The following PRKN variants were observed in gnomAD, a reference collection of about 807,000 sequenced individuals.
PRKN encodes the protein parkin RBR E3 ubiquitin protein ligase.
In PRKN, 56 loss-of-function variants were observed where a neutral mutation model predicts 59.5. The ratio of observed to expected loss-of-function variants is 0.94; its 90% CI spans 0.76 to 1.18. The LOEUF (loss-of-function observed/expected upper bound fraction) is 1.18, where lower values mean the gene tolerates loss of function less well. Ranked by LOEUF, PRKN falls within the 50% of genes most tolerant of loss-of-function variation. PRKN has a pLI of 0.00. For synonymous variants in PRKN, 250 were observed against 222.1 expected (o/e 1.13, Z -1.12); for missense variants, 657 against 596.4 (o/e 1.10, Z -1.06).
intron 1 of PRKN, among the ~76,000 whole-genome samples, chr6:162,628,999 C>T (rs933300874): frequency 6.6e-6 from 1 of 152,006 alleles, no homozygotes; most frequent in African/African-American, 2.4e-5. Context: ...GGAATCACTA[C>T]CAAAGACTAA....
In PRKN at chr6:161,518,030, G is replaced by T. The variant is rs141279886; in HGVS notation, c.1083+30824C>A. 8.1e-4 allele frequency among the ~76,000 whole-genome samples: 123 copies of T among 152,310 alleles called. No homozygotes were observed. The highest frequency in any genetic ancestry group is 2.8e-3 in the African/African-American group (117 of 41,568). The stretch of plus-strand genomic sequence containing the variant: ...TCCTCGGGGAGACTGGCAGAAGTTG[G>T]CTGCACAGTGGCTTCAAGCTGGAGG... On this transcript the variant is annotated intron_variant, in intron 9 of 11. Transcript: ENST00000366898. This position sits in a 1 kb window ranked among gnomAD's most constrained non-coding sequence, Gnocchi z 5.0.
intron 2 of PRKN, among the ~76,000 whole-genome samples, chr6:162,294,154 C>A (rs77146432): frequency 6.6e-6 from 1 of 151,902 alleles, no homozygotes; most frequent in African/African-American, 2.4e-5. Flanking sequence ...AGGTTTCCAG[C>A]GGTGCAAATG....
chr6:161,745,826 C>G (rs554602585), intron 7 of PRKN, among the ~76,000 whole-genome samples: 3 of 152,206 alleles, frequency 2.0e-5, no homozygotes, highest in Non-Finnish European at 4.4e-5. Context: ...CAATTAGACA[C>G]AAAGCATGAT....
At chr6:161,387,590 C>A (rs1056029610) in intron 9 of PRKN, among the ~76,000 whole-genome samples, 1 of 152,214 alleles carries the variant, frequency 6.6e-6, no homozygotes, top group Admixed American at 6.5e-5. Context: ...AAGGAAAAAA[C>A]TTCATTCAAG....
intron 2 of PRKN, among the ~76,000 whole-genome samples, chr6:162,375,319 T>C (rs74569701): frequency 0.016 from 2,372 of 152,078 alleles, 64 homozygotes; most frequent in African/African-American, 0.054. Flanking sequence ...AAGCTGGTAT[T>C]TTTTCAAGCA....
chr6:162,555,111 G>A (rs995639117), intron 1 of PRKN, among the ~76,000 whole-genome samples: 4 of 152,030 alleles, frequency 2.6e-5, no homozygotes, highest in African/African-American at 7.2e-5. Flanking sequence ...ATACCCCAAC[G>A]CAAACACATG....
chr6:162,009,810 C>T (rs968188074), intron 5 of PRKN, among the ~76,000 whole-genome samples: 7 of 151,636 alleles, frequency 4.6e-5, no homozygotes, highest in African/African-American at 1.5e-4. Context: ...GTGGCAGGCA[C>T]CTGTAATCCC....
At chr6:162,428,292 G>C (rs575393466) in intron 2 of PRKN, among the ~76,000 whole-genome samples, 1 of 152,048 alleles carries the variant, frequency 6.6e-6, no homozygotes, top group Non-Finnish European at 1.5e-5. Flanking sequence ...ACCTCATCTT[G>C]ACTGAGAATG....
At chr6:162,025,074 G>A (rs77886609) in intron 5 of PRKN, among the ~76,000 whole-genome samples, 33 of 145,752 alleles carry the variant, frequency 2.3e-4, no homozygotes, top group African/African-American at 8.2e-4. Context: ...GGAGTGCAGT[G>A]GCGCAATCTC....
intron 7 of PRKN, among the ~76,000 whole-genome samples, chr6:161,680,775 A>ATATATATTT (rs1216235673): frequency 1.3e-4 from 4 of 30,624 alleles, no homozygotes; most frequent in Non-Finnish European, 2.4e-4. Context: ...ATATATATAT[A>ATATATATTT]TTTTTTTTTT....
chr6:162,029,021 G>A (rs1783541675), intron 5 of PRKN, among the ~76,000 whole-genome samples: 1 of 152,186 alleles, frequency 6.6e-6, no homozygotes, highest in Non-Finnish European at 1.5e-5. Context: ...ACAAACATAT[G>A]TCATTGGAAG....
chr6:161,977,223 A>G (rs888232827), intron 5 of PRKN, among the ~76,000 whole-genome samples: 1 of 152,094 alleles, frequency 6.6e-6, no homozygotes, highest in African/African-American at 2.4e-5. Context: ...AAGACAAGAG[A>G]CTCCTGGATC....
At chr6:162,589,420 C>T (rs1437324977) in intron 1 of PRKN, among the ~76,000 whole-genome samples, 1 of 152,050 alleles carries the variant, frequency 6.6e-6, no homozygotes, top group Non-Finnish European at 1.5e-5. Context: ...TTCTTTCTTC[C>T]CAGTATTTTT....
rs529164089 is a variant in PRKN, at chr6:161,442,230, A to G, written c.1084-55353T>C. 1.3e-5 allele frequency among the ~76,000 whole-genome samples: 2 copies of G among 152,342 alleles called. No homozygotes were observed. The highest frequency in any genetic ancestry group is 2.9e-5 in the Non-Finnish European group (2 of 68,038). On this transcript the variant is annotated intron_variant, in intron 9 of 11. Coordinates refer to ENST00000366898, the MANE Select transcript of PRKN (RefSeq NM_004562.3). This position sits in a 1 kb window ranked among gnomAD's most constrained non-coding sequence, Gnocchi z 4.6. ...TTAAGTAAACTTCAATTTCTCTGAA[A>G]TTGAAGGAGAATTATTTCTCCACTT...
At chr6:162,181,201 C>T (rs1012880838) in intron 4 of PRKN, among the ~76,000 whole-genome samples, 3 of 152,132 alleles carry the variant, frequency 2.0e-5, no homozygotes, top group Non-Finnish European at 2.9e-5. Context: ...GGTCAGTTCC[C>T]GAAGTTTCAT....
intron 1 of PRKN, among the ~76,000 whole-genome samples, chr6:162,582,523 C>T (rs966297776): frequency 7.9e-5 from 12 of 152,040 alleles, no homozygotes; most frequent in African/African-American, 2.7e-4. Flanking sequence ...GATGGAGTTA[C>T]GAATAGAAAT....
At chr6:162,704,034 G>A (rs1403586665) in intron 1 of PRKN, among the ~76,000 whole-genome samples, 1 of 152,170 alleles carries the variant, frequency 6.6e-6, no homozygotes, top group Non-Finnish European at 1.5e-5. Flanking sequence ...AGAGACACAG[G>A]TGCAGGAGAT....
chr6:161,651,552 C>T (rs775297316), intron 7 of PRKN, among the ~76,000 whole-genome samples: 7 of 152,162 alleles, frequency 4.6e-5, no homozygotes, highest in African/African-American at 1.7e-4. Flanking sequence ...TGGATACTTA[C>T]CAAGTGTTTC....
rs533275483 is a variant in PRKN at position 161,369,034 on chromosome 6, G to T, written c.1168-8829C>A. On this transcript the variant is annotated intron_variant, in intron 10 of 11. Coordinates refer to ENST00000366898, the MANE Select transcript of PRKN (RefSeq NM_004562.3). This position sits in a 1 kb window ranked among gnomAD's most constrained non-coding sequence, Gnocchi z 5.8. ...CCACTGCTGCCAGCCCCAGGGACCT[G>T]GGGGGCAGGAGAAGCAGCTCTATGA... Among the ~76,000 whole-genome samples the T allele has an allele frequency of 2.0e-5, 3 of 152,250 alleles. No homozygotes were observed. The highest frequency in any genetic ancestry group is 2.9e-5 in the Non-Finnish European group (2 of 68,010).
Sources: gnomAD v4.1 joint callset for allele counts (sites outside exome capture counted in the v4.1 genomes callset) on GRCh38, gnomAD v4.1.1 for gene constraint, Gnocchi (gnomAD v3.1) non-coding constraint, MANE v1.5 for transcripts, NCBI Gene and HGNC (gene_info 2026-07-23, HGNC 2026-07-21) for gene names.